LSAMP: variants seen among roughly 807,000 people sequenced by gnomAD.
LSAMP encodes the protein limbic system associated membrane protein, also known as limbic system-associated membrane protein.
LSAMP carries 7 observed loss-of-function variants against 38.6 expected under a neutral mutation model. The observed-to-expected ratio is 0.18, with a 90% CI of 0.10 to 0.34. The LOEUF (loss-of-function observed/expected upper bound fraction) is 0.34. Among genes scored for constraint, LSAMP ranks in the 10% least tolerant of loss-of-function variants. The probability of loss-of-function intolerance (pLI) is 1.00; values close to 1 mark genes in which losing one functional copy is unlikely to be tolerated. For missense variants in LSAMP, 313 were observed against 420.0 expected, an observed-to-expected ratio of 0.75 and a Z score of 2.23; for synonymous variants, 154 against 166.8, an observed-to-expected ratio of 0.92 and a Z score of 0.59.
chr3:116,084,371 A>T (rs925558374), intron 2 of LSAMP, among the ~76,000 whole-genome samples: 1 of 151,612 alleles, frequency 6.6e-6, no homozygotes. Context: ...AAAAAAGAGG[A>T]ACATTGGGCA....
intron 3 of LSAMP, among the ~76,000 whole-genome samples, chr3:115,977,838 AAAG>A (rs1939235654): frequency 6.6e-6 from 1 of 152,174 alleles, no homozygotes; most frequent in Admixed American, 6.5e-5. Context: ...TGAAGGAAGG[AAAG>A]AAGGCCAAAC....
intron 1 of LSAMP, among the ~76,000 whole-genome samples, chr3:116,289,357 T>C (rs1055855967): frequency 6.6e-6 from 1 of 152,248 alleles, no homozygotes; most frequent in Non-Finnish European, 1.5e-5. Context: ...CTAAAACCTG[T>C]TTAATTTGCT....
rs1709024775 is a variant in LSAMP, at chr3:116,127,078, TCTA to T, written c.156-40525_156-40523del. Among the ~76,000 whole-genome samples, 8 of 152,204 alleles carry T rather than the reference TCTA, an allele frequency of 5.3e-5. No individual in the cohort carries two copies. The South Asian group carries it at 1.7e-3, about 32-fold the overall frequency. On this transcript the variant is annotated intron_variant, in intron 1 of 6. Coordinates refer to ENST00000490035, the MANE Select transcript of LSAMP (RefSeq NM_002338.5). The stretch of plus-strand genomic sequence containing the variant: ...TAAAATTCTCTTATGCCTGGATTGA[TCTA>T]CTGCGGTTTATTTACAGGGAATAAA...
intron 2 of LSAMP, among the ~76,000 whole-genome samples, chr3:116,080,094 A>G (rs1268461627): frequency 1.3e-5 from 2 of 152,194 alleles, no homozygotes; most frequent in African/African-American, 4.8e-5. Flanking sequence ...ATAACTTGCC[A>G]TAGACCGGAT....
In LSAMP at chr3:115,942,234, T is replaced by A. The variant is rs367645871; in HGVS notation, c.514+77281A>T. ...AATAGCTTTGCAAACAAATGTAGTG[T>A]CTCTTTTGAGTTCCATCATAAATGT... is the stretch of plus-strand genomic sequence containing the variant. On this transcript the variant is annotated intron_variant, in intron 3 of 6. Transcript: ENST00000490035. Among the ~76,000 whole-genome samples the A allele has an allele frequency of 9.2e-5, 14 of 152,284 alleles. No homozygotes were observed. The East Asian group carries it at 1.4e-3, about 15-fold the overall frequency.
intron 1 of LSAMP, among the ~76,000 whole-genome samples, chr3:116,239,227 C>T (rs1275523869): frequency 6.6e-6 from 1 of 151,958 alleles, no homozygotes; most frequent in Admixed American, 6.6e-5. Flanking sequence ...ACTTGGTGTC[C>T]CAATCAGTAT....
rs1559831711 is a variant in LSAMP at position 116,334,169 on chromosome 3, CACA to C, written c.155+110705_155+110707del. On this transcript the variant is annotated intron_variant, in intron 1 of 6. Transcript: ENST00000490035. Reference sequence around the variant, plus strand: ...GCTGAAATGAACAAATTTCTAGAAACACAACACCTGCCAAGACCAAATCATGAG... The same window carrying C: ...GCTGAAATGAACAAATTTCTAGAAACACACCTGCCAAGACCAAATCATGAG... Among the ~76,000 whole-genome samples, 3 of 152,026 alleles carry C rather than the reference CACA, an allele frequency of 2.0e-5. No individual in the cohort carries two copies. The East Asian group carries it at 5.8e-4, about 29-fold the overall frequency.
chr3:116,345,948 G>A (rs1211273690), intron 1 of LSAMP, among the ~76,000 whole-genome samples: 6 of 152,144 alleles, frequency 3.9e-5, no homozygotes, highest in South Asian at 2.1e-4. Context: ...TTCCATTACT[G>A]TGAATGCCAT....
intron 1 of LSAMP, among the ~76,000 whole-genome samples, chr3:116,398,457 T>C (rs2048797551): frequency 6.6e-6 from 1 of 152,286 alleles, no homozygotes; most frequent in East Asian, 1.9e-4. Context: ...CAACGGATAA[T>C]TTGAATAACG....
chr3:116,068,198 G>A (rs1707507171), intron 2 of LSAMP, among the ~76,000 whole-genome samples: 1 of 152,188 alleles, frequency 6.6e-6, no homozygotes, highest in Admixed American at 6.5e-5. Flanking sequence ...GCAGATCAAT[G>A]AAAGTTGCAT....
At chr3:116,074,921 G>A (rs1707703058) in intron 2 of LSAMP, among the ~76,000 whole-genome samples, 1 of 138,990 alleles carries the variant, frequency 7.2e-6, no homozygotes, top group African/African-American at 2.8e-5. Context: ...TCGGCTCACC[G>A]CAACCTCCGC....
intron 1 of LSAMP, among the ~76,000 whole-genome samples, chr3:116,416,279 G>A (rs1443764411): frequency 1.3e-5 from 2 of 152,136 alleles, no homozygotes; most frequent in Non-Finnish European, 2.9e-5. Flanking sequence ...ACCTACACAT[G>A]TTTTGTACCA....
At chr3:115,873,124 C>T (rs529049659) in intron 3 of LSAMP, among the ~76,000 whole-genome samples, 2 of 152,184 alleles carry the variant, frequency 1.3e-5, no homozygotes, top group South Asian at 4.1e-4. Context: ...AATCCCAGCA[C>T]TTTGGGAGGC....
chr3:116,255,665 T>A (rs1159747575), intron 1 of LSAMP, among the ~76,000 whole-genome samples: 1 of 152,192 alleles, frequency 6.6e-6, no homozygotes, highest in Non-Finnish European at 1.5e-5. Context: ...TACTCTTAAG[T>A]TAAATCCCTG....
chr3:116,178,752 A>C (rs377354870), intron 1 of LSAMP, among the ~76,000 whole-genome samples: 1 of 152,188 alleles, frequency 6.6e-6, no homozygotes, highest in Non-Finnish European at 1.5e-5. Context: ...CCCACCCTTC[A>C]AAACAGATAA....
chr3:115,836,343 C>T (rs1934784772), intron 6 of LSAMP, among the ~76,000 whole-genome samples: 1 of 152,176 alleles, frequency 6.6e-6, no homozygotes, highest in Admixed American at 6.5e-5. Flanking sequence ...GAGCATTATT[C>T]TGCTGCTGTT....
intron 1 of LSAMP, among the ~76,000 whole-genome samples, chr3:116,179,869 A>G (rs1429434130): frequency 6.6e-6 from 1 of 152,196 alleles, no homozygotes; most frequent in East Asian, 1.9e-4. Context: ...AATGTATCTA[A>G]TTAATTGCTG....
At chr3:116,395,034 C>T (rs1359496000) in intron 1 of LSAMP, among the ~76,000 whole-genome samples, 2 of 152,158 alleles carry the variant, frequency 1.3e-5, no homozygotes, top group South Asian at 2.1e-4. Context: ...CAGTTGTTTT[C>T]CCCTTTGCAA....
chr3:116,023,164 G>T (rs558816060), intron 2 of LSAMP, among the ~76,000 whole-genome samples: 47 of 145,724 alleles, frequency 3.2e-4, no homozygotes, highest in Non-Finnish European at 5.6e-4. Flanking sequence ...ATATGTGTGT[G>T]TGTCTCTCTC....
Sources: allele counts gnomAD v4.1 joint callset (sites outside exome capture counted in the v4.1 genomes callset), GRCh38; gene constraint gnomAD v4.1.1; transcripts MANE v1.5; gene names NCBI Gene and HGNC (gene_info 2026-07-23, HGNC 2026-07-21).